Variants in SDK1 observed in about 807,000 individuals in gnomAD.
The protein encoded by SDK1 is sidekick cell adhesion molecule 1.
Under a neutral mutation model 245.5 loss-of-function variants are expected in SDK1, and 157 were observed. The ratio of observed to expected loss-of-function variants is 0.64; its 90% CI spans 0.56 to 0.73. The LOEUF is 0.73. Ranked by LOEUF, SDK1 falls within the 30% of genes least tolerant of loss-of-function variation. SDK1 has a pLI of 0.00. For synonymous variants in SDK1, 1,647 were observed against 1,278.5 expected, an observed-to-expected ratio of 1.29 and a Z score of -6.15; for missense variants, 3,583 against 3,002.3, an observed-to-expected ratio of 1.19 and a Z score of -4.52.
At chr7:4,162,359 T>G (rs61145468) in intron 32 of SDK1, among the ~76,000 whole-genome samples, 2,064 of 111,648 alleles carry the variant, frequency 0.018, 47 homozygotes, top group African/African-American at 0.058. Flanking sequence ...TGGTGGTGGT[T>G]GTTGTTGTTG....
chr7:3,908,530 C>A (rs1025870753), intron 5 of SDK1, among the ~76,000 whole-genome samples: 1 of 152,268 alleles, frequency 6.6e-6, no homozygotes, highest in Non-Finnish European at 1.5e-5. Context: ...AGGCAGCTTC[C>A]CCTAAAAAGG....
At chr7:4,216,169 G>A (rs966541327) in intron 38 of SDK1, among the ~76,000 whole-genome samples, 19 of 152,244 alleles carry the variant, frequency 1.2e-4, no homozygotes, top group Admixed American at 5.2e-4. Flanking sequence ...TGTTGAATGT[G>A]GGAGGATGCC....
chr7:3,505,300 G>A (rs933077174), intron 1 of SDK1, among the ~76,000 whole-genome samples: 4 of 152,224 alleles, frequency 2.6e-5, no homozygotes, highest in East Asian at 1.9e-4. Flanking sequence ...AGTTTAGAGT[G>A]CAGTTGCATG....
chr7:4,105,630 C>T (rs1782852765), intron 22 of SDK1, among the ~76,000 whole-genome samples: 1 of 152,158 alleles, frequency 6.6e-6, no homozygotes, highest in Non-Finnish European at 1.5e-5. Context: ...TAAATGAATG[C>T]TTTGACAGTG....
chr7:3,841,736 T>A (rs1317801598), intron 5 of SDK1, among the ~76,000 whole-genome samples: 3 of 152,066 alleles, frequency 2.0e-5, no homozygotes, highest in Non-Finnish European at 4.4e-5. Flanking sequence ...CTAATTTTTG[T>A]ATTCTTAATA....
At chr7:3,878,568 C>T (rs927274429) in intron 5 of SDK1, among the ~76,000 whole-genome samples, 8 of 152,276 alleles carry the variant, frequency 5.3e-5, no homozygotes, top group South Asian at 2.1e-4. Context: ...TTTTTAACCA[C>T]AAACGAAGTT....
intron 1 of SDK1, among the ~76,000 whole-genome samples, chr7:3,470,525 A>G (rs947485966): frequency 1.3e-5 from 2 of 152,108 alleles, no homozygotes; most frequent in African/African-American, 4.8e-5. Flanking sequence ...AAATATATAC[A>G]GAAGTCTGCT....
intron 11 of SDK1, among the ~76,000 whole-genome samples, chr7:3,970,831 G>T (rs1430354394): frequency 6.6e-6 from 1 of 152,132 alleles, no homozygotes. Context: ...GCTTGCCCTC[G>T]AACTTAGCCT....
chr7:3,835,059 C>T (rs531849155), intron 5 of SDK1, among the ~76,000 whole-genome samples: 1 of 152,284 alleles, frequency 6.6e-6, no homozygotes, highest in South Asian at 2.1e-4. Flanking sequence ...TTGGAGATCG[C>T]ACTCAAGACT....
intron 2 of SDK1, among the ~76,000 whole-genome samples, chr7:3,620,499 C>G (rs943387381): frequency 6.6e-6 from 1 of 152,036 alleles, no homozygotes; most frequent in Non-Finnish European, 1.5e-5. Context: ...GATGGGGTTT[C>G]ACCATGTTGA....
At chr7:4,225,254 G>T (rs528945574) in intron 40 of SDK1, among the ~76,000 whole-genome samples, 2 of 152,254 alleles carry the variant, frequency 1.3e-5, no homozygotes, top group East Asian at 3.9e-4. Context: ...ACACAGACTT[G>T]CTCTCCGTTG....
At chr7:3,388,799 G>C (rs73052642) in intron 1 of SDK1, among the ~76,000 whole-genome samples, 9 of 152,038 alleles carry the variant, frequency 5.9e-5, no homozygotes, top group African/African-American at 2.2e-4. Context: ...CTAAGTCAAC[G>C]TGTGTTTATC....
rs891739314 is a variant in SDK1 at position 3,621,874 on chromosome 7, T to G, written c.458+2635T>G. ...TTGAATATACAGAGGGTCCCCAACT[T>G]ACGATGGTTCAACTTAACAATTTTT... is the stretch of plus-strand genomic sequence containing the variant. On this transcript the variant is annotated intron_variant, in intron 2 of 44. Coordinates refer to ENST00000404826, the MANE Select transcript of SDK1 (RefSeq NM_152744.4). 2.6e-5 allele frequency among the ~76,000 whole-genome samples: 4 copies of G among 152,222 alleles called. No homozygotes were observed. The East Asian group carries it at 7.7e-4, about 29-fold the overall frequency.
chr7:4,043,218 A>G (rs1781354921), intron 17 of SDK1, among the ~76,000 whole-genome samples: 1 of 152,010 alleles, frequency 6.6e-6, no homozygotes, highest in African/African-American at 2.4e-5. Flanking sequence ...GGGCCCAGGT[A>G]GAGTGAGTGT....
intron 1 of SDK1, among the ~76,000 whole-genome samples, chr7:3,372,025 G>T (rs746976535): frequency 3.0e-4 from 45 of 152,196 alleles, no homozygotes; most frequent in Middle Eastern, 6.3e-3. Flanking sequence ...CTGTGGTTCA[G>T]TAACTGTCAT....
intron 1 of SDK1, among the ~76,000 whole-genome samples, chr7:3,409,085 C>T (rs993834320): frequency 2.0e-5 from 3 of 152,148 alleles, no homozygotes; most frequent in Non-Finnish European, 4.4e-5. Flanking sequence ...CCCCCTCACC[C>T]TTGAGATATG....
At chr7:4,084,548 C>A (rs2128180878) in intron 22 of SDK1, among the ~76,000 whole-genome samples, 1 of 152,294 alleles carries the variant, frequency 6.6e-6, no homozygotes, top group East Asian at 1.9e-4. Flanking sequence ...GATCTCCTCG[C>A]TCCCAGCTGG....
intron 18 of SDK1, among the ~76,000 whole-genome samples, chr7:4,051,279 T>C (rs1249761440): frequency 6.9e-6 from 1 of 145,738 alleles, no homozygotes; most frequent in Non-Finnish European, 1.5e-5. Context: ...ATATATACTT[T>C]TTATGTATAT....
At chr7:3,393,795 G>A (rs564370005) in intron 1 of SDK1, among the ~76,000 whole-genome samples, 8 of 152,072 alleles carry the variant, frequency 5.3e-5, no homozygotes, top group Non-Finnish European at 1.0e-4. Context: ...GCTATTTTGA[G>A]TTCTTGAAAG....
Sources: allele counts gnomAD v4.1 joint callset (sites outside exome capture counted in the v4.1 genomes callset), GRCh38; gene constraint gnomAD v4.1.1; transcripts MANE v1.5; gene names NCBI Gene and HGNC (gene_info 2026-07-23, HGNC 2026-07-21).